Variants in KNL1 observed in about 807,000 individuals in gnomAD.
KNL1 encodes outer kinetochore KNL1 complex subunit KNL1.
In KNL1, 66 loss-of-function variants were observed where a neutral mutation model predicts 201.3. The observed-to-expected ratio is 0.33, with a 90% CI of 0.27 to 0.40. The LOEUF is 0.40. Ranked by LOEUF, KNL1 falls within the 10% of genes least tolerant of loss-of-function variation. The pLI is 1.00. For missense variants in KNL1, 2,815 were observed against 2,690.5 expected, an observed-to-expected ratio of 1.05 and a Z score of -1.02; for synonymous variants, 895 against 899.2, an observed-to-expected ratio of 1.00 and a Z score of 0.08.
At chr15:40,615,750 C>G (rs529670867) in intron 8 of KNL1, 1 of 151,950 alleles carries the variant, frequency 6.6e-6, no homozygotes, top group Non-Finnish European at 1.5e-5. Flanking sequence ...TGGCTCCAAA[C>G]AGAGCTTTGT....
At chr15:40,645,808 G>C (rs533524540) in intron 16 of KNL1, 36 bp downstream of exon 16, 1 of 1,105,390 alleles carries the variant, frequency 9.0e-7, no homozygotes, top group Admixed American at 2.4e-5. Flanking sequence ...GAAAGAGAGA[G>C]ATATTAAAAT....
rs576961711 is a variant in KNL1, at chr15:40,617,485, A to G, written c.323-1474A>G. 2.0e-4 allele frequency among the ~76,000 whole-genome samples: 30 copies of G among 152,232 alleles called. 1 individual carries two copies. Among genetic ancestry groups the G allele is most frequent in the African/African-American group, 7.0e-4 (29 of 41,534 alleles). On this transcript the variant is annotated intron_variant, in intron 8 of 25. Coordinates refer to ENST00000399668, the MANE Select transcript of KNL1 (RefSeq NM_144508.5). ...TTACACTTTTTTCCTAGCAATTATT[A>G]TTATATGATTTATGTTTGCCGCCAG...
At chr15:40,605,715 G>A (rs758093450) in intron 3 of KNL1, among the ~76,000 whole-genome samples, 2 of 152,138 alleles carry the variant, frequency 1.3e-5, no homozygotes, top group African/African-American at 4.8e-5. Flanking sequence ...CTCCCAAAGC[G>A]CTGAGATTAC....
At chr15:40,649,336 C>T (rs1200813772) in intron 17 of KNL1, among the ~76,000 whole-genome samples, 1 of 152,042 alleles carries the variant, frequency 6.6e-6, no homozygotes, top group Non-Finnish European at 1.5e-5. Context: ...CTCTCTGTCA[C>T]CCAGGCTGGA....
chr15:40,638,827 T>TC (rs1893136231), intron 13 of KNL1, among the ~76,000 whole-genome samples: 1 of 150,254 alleles, frequency 6.7e-6, no homozygotes, highest in African/African-American at 2.5e-5. Flanking sequence ...TTTTTTTTTT[T>TC]TGAGACGCAG....
At chr15:40,594,571 C>T (rs769026696) in intron 1 of KNL1, among the ~76,000 whole-genome samples, 179 bp downstream of exon 1, 3 of 152,204 alleles carry the variant, frequency 2.0e-5, no homozygotes, top group Non-Finnish European at 4.4e-5. Context: ...TTTTTCCCCT[C>T]CTCGGCCTGT....
intron 4 of KNL1, among the ~76,000 whole-genome samples, chr15:40,607,920 A>G (rs893021750): frequency 2.0e-5 from 3 of 152,184 alleles, no homozygotes; most frequent in African/African-American, 7.2e-5. Context: ...TAGAATTGCC[A>G]TATGATCCAA....
chr15:40,650,633 G>A (rs1202642119), intron 19 of KNL1, 50 bp downstream of exon 19: 1 of 1,471,306 alleles, frequency 6.8e-7, no homozygotes, highest in African/African-American at 1.4e-5. Flanking sequence ...ATCACAGAAG[G>A]CTAGATGACT....
In KNL1 at chr15:40,624,157, C is replaced by T. The variant is rs143600140; in HGVS notation, c.3893C>T (p.Ser1298Phe). ...AGTCATGCAACTGCTGTTTGTGGAT[C>T]CAGTGATAATTATTCCTGTTTACCA... ...TSSHATAVCG[S>F]SDNYSCLPNV... Residue 1298 changes from serine to phenylalanine, a missense_variant, in exon 10 of 26, where the codon TCC becomes TTC. Around this residue, in one of 3 missense-constraint regions of KNL1, gnomAD observed 2,464 missense variants for 2,291.7 expected, o/e 1.08. Transcript: ENST00000399668. 1.5e-5 allele frequency: 25 copies of T among 1,613,894 alleles called. No homozygotes were observed. In the East Asian group the frequency reaches 4.5e-4, roughly 29 times the overall value.
intron 6 of KNL1, chr15:40,610,700 A>G (rs1892126093): frequency 2.2e-6 from 1 of 455,678 alleles, no homozygotes; most frequent in African/African-American, 2.0e-5. Flanking sequence ...AAAAACAAAA[A>G]AAGTATACCT....
At chr15:40,640,076 CTTTTT>C (rs911041554) in intron 13 of KNL1, among the ~76,000 whole-genome samples, 7 of 145,368 alleles carry the variant, frequency 4.8e-5, no homozygotes, top group African/African-American at 1.8e-4. Flanking sequence ...CTTTTCTTTT[CTTTTT>C]TTTCTTTTTT....
chr15:40,624,300 G>A lies in KNL1; in HGVS notation c.4036G>A (p.Ala1346Thr), dbSNP rs1230075305. Residue 1346 changes from alanine to threonine, a missense_variant, in exon 10 of 26, where the codon GCC becomes ACC. By Grantham distance (58) the Ala-to-Thr change is moderately conservative. Coordinates refer to ENST00000399668, the MANE Select transcript of KNL1 (RefSeq NM_144508.5). Reference protein sequence around the residue: ...QNDLAYANDFASEYYLESEGQ... With the variant: ...QNDLAYANDFTSEYYLESEGQ... ...TGATCTTGCTTATGCAAATGATTTT[G>A]CCAGTGAATATTACTTGGAATCTGA... The A allele has an allele frequency of 2.5e-6, 4 of 1,614,012 alleles. No homozygotes were observed. Among genetic ancestry groups the A allele is most frequent in the Non-Finnish European group, 3.4e-6 (4 of 1,179,964 alleles).
At chr15:40,618,640 T>G (rs1892419112) in intron 8 of KNL1, among the ~76,000 whole-genome samples, 4 of 152,074 alleles carry the variant, frequency 2.6e-5, no homozygotes, top group South Asian at 4.1e-4. Context: ...GTCACTAACA[T>G]AGGATAATTA....
At chr15:40,646,755 G>A (rs1288283243) in intron 16 of KNL1, 1 of 268,536 alleles carries the variant, frequency 3.7e-6, no homozygotes, top group South Asian at 5.4e-5. Context: ...TAATCAGGAG[G>A]CTGAGGCAGG....
rs571301526 is a variant in KNL1 at position 40,662,482 on chromosome 15, A to C, written c.*294A>C. ...AACTAGTGCTTTCTGCTTTAGTACA[A>C]GCCCTAAGGATTAACTTAAGTATAA... On this transcript the variant is annotated 3_prime_UTR_variant, in exon 26 of 26. Coordinates refer to ENST00000399668, the MANE Select transcript of KNL1 (RefSeq NM_144508.5). 3.6e-6 allele frequency: 1 copy of C among 279,050 alleles called. No homozygotes were observed. The highest frequency in any genetic ancestry group is 2.2e-5 in the African/African-American group (1 of 46,352). The allele number at this position is 279,050 out of a possible 1,614,324, so 17.3% of individuals were successfully genotyped here.
Position 40,623,554 on chromosome 15 carries a change from A to G in KNL1, c.3290A>G (p.Asp1097Gly), listed in dbSNP as rs763694460. ...ACCCAGAGTTGTATGGTGGAAATAG[A>G]TAACGAAAGTGCCCTGGAGGATAAA... is the stretch of plus-strand genomic sequence containing the variant. ...DITQSCMVEIDNESALEDKED... is the reference protein window; with the variant it reads ...DITQSCMVEIGNESALEDKED... Residue 1097 changes from aspartate to glycine, a missense_variant, in exon 10 of 26, where the codon GAT (aspartate) becomes GGT (glycine). By Grantham distance (94) the Asp-to-Gly change is moderately conservative. Transcript: ENST00000399668. The G allele has an allele frequency of 1.2e-6, 2 of 1,613,718 alleles. No individual in the cohort carries two copies. The highest frequency in any genetic ancestry group is 1.1e-5 in the South Asian group (1 of 91,082).
In KNL1 at chr15:40,652,002, C is replaced by A; in HGVS notation, c.6315-3C>A. 1 of 1,608,896 alleles carries A rather than the reference C, an allele frequency of 6.2e-7. No homozygotes were observed. ...TTTAAAAATCTTGTTTATCTCTCTA[C>A]AGCTTGTCTGAGTGGGATGTCGTTG... is the stretch of plus-strand genomic sequence containing the variant. On this transcript the variant is annotated splice_region_variant and splice_polypyrimidine_tract_variant and intron_variant, in intron 20 of 25. Transcript: ENST00000399668.
At chr15:40,611,030 G>A (rs1892140078) in intron 6 of KNL1, among the ~76,000 whole-genome samples, 1 of 152,110 alleles carries the variant, frequency 6.6e-6, no homozygotes, top group Non-Finnish European at 1.5e-5. Flanking sequence ...TTACAGGCGT[G>A]AGCCACCACG....
chr15:40,662,389 A>G lies in KNL1; in HGVS notation c.*201A>G, dbSNP rs117802190. 634 of 478,660 alleles carry G rather than the reference A, an allele frequency of 1.3e-3. 3 individuals are homozygous for G. Among genetic ancestry groups the G allele is most frequent in the Middle Eastern group, 6.9e-3 (17 of 2,456 alleles). The allele number at this position is 478,660 out of a possible 1,614,324, so 29.7% of individuals were successfully genotyped here. A position where few individuals can be genotyped will look rare whatever the true frequency, so the allele number is the denominator to read the frequency against. On this transcript the variant is annotated 3_prime_UTR_variant, in exon 26 of 26. Coordinates refer to ENST00000399668, the MANE Select transcript of KNL1 (RefSeq NM_144508.5). ...TGGATGGTAGGCCTCATAGCCTACT[A>G]TCAACTTACTCATCTTTGTACCAAA...
Sources: allele counts gnomAD v4.1 joint callset (sites outside exome capture counted in the v4.1 genomes callset), GRCh38; gene constraint gnomAD v4.1.1; regional missense constraint gnomAD v4.1.1; transcripts MANE v1.5; gene names NCBI Gene and HGNC (gene_info 2026-07-23, HGNC 2026-07-21).